The following ITSN1 variants were observed in gnomAD, a reference collection of about 807,000 sequenced individuals.
ITSN1 encodes intersectin 1, also known as intersectin-1.
Under a neutral mutation model 239.8 loss-of-function variants are expected in ITSN1, and 58 were observed. The observed-to-expected ratio is 0.24, with a 90% CI of 0.20 to 0.30. The LOEUF is 0.30. ITSN1 is among the 10% of genes least tolerant of loss of function. The pLI, the probability that ITSN1 is intolerant of heterozygous loss-of-function variation, is 1.00. For synonymous variants in ITSN1, 780 were observed against 770.8 expected (o/e 1.01, Z -0.20); for missense variants, 1,558 against 2,103.3 (o/e 0.74, Z 5.07).
chr21:33,735,196 C>T lies in ITSN1; in HGVS notation c.338C>T (p.Pro113Leu). The change falls in exon 5 of 40, where the codon CCA (proline) becomes CTA (leucine). Residue 113 changes from proline to leucine, a missense_variant. Pro to Leu is a moderately conservative substitution (Grantham distance 98). This residue lies in a region of ITSN1 where 982 missense variants were observed against 1,209.9 expected (regional missense o/e 0.81). Transcript: ENST00000381318. ...KQQPVAISSA[P>L]AFGMGGIASM... ...CAACCAGTTGCTATTTCTAGCGCAC[C>T]AGCATTTGGTAAGTCTGAAAATGAA... 1.2e-6 allele frequency: 2 copies of T among 1,612,706 alleles called. No individual in the cohort carries two copies. The highest frequency in any genetic ancestry group is 2.2e-5 in the South Asian group (2 of 90,582).
chr21:33,733,127 A>C (rs914536597), intron 4 of ITSN1, among the ~76,000 whole-genome samples: 1 of 152,148 alleles, frequency 6.6e-6, no homozygotes, highest in Non-Finnish European at 1.5e-5. Flanking sequence ...GGGAAAAAAA[A>C]CCTTCCCAGA....
chr21:33,687,158 C>T (rs766674565), intron 1 of ITSN1, among the ~76,000 whole-genome samples: 1 of 151,842 alleles, frequency 6.6e-6, no homozygotes, highest in African/African-American at 2.4e-5. Context: ...ATGGTGAAAC[C>T]CTGTCTTTAC....
intron 2 of ITSN1, among the ~76,000 whole-genome samples, chr21:33,719,302 G>T (rs1345494228): frequency 6.6e-6 from 1 of 152,138 alleles, no homozygotes; most frequent in Non-Finnish European, 1.5e-5. Context: ...TTAGCCGGGC[G>T]TGGTGGCAGG....
chr21:33,772,460 A>G, intron 12 of ITSN1, 137 bp downstream of exon 12: 1 of 1,057,216 alleles, frequency 9.5e-7, no homozygotes, highest in African/African-American at 1.6e-5. Context: ...TTGTGCAACC[A>G]TCGTCCCTAA....
At position 33,891,380 on chromosome 21, in the gene ITSN1, A is replaced by G. The variant is rs1458544058; in HGVS notation, c.*3080A>G. On this transcript the variant is annotated 3_prime_UTR_variant, in exon 40 of 40. Coordinates refer to ENST00000381318, the MANE Select transcript of ITSN1 (RefSeq NM_003024.3). Reference sequence around the variant, plus strand: ...CATTTTTTTCTTCTTTGCTTTTTTTAAACAACCTAAAGTATGACCTAAGTG... The same window carrying G: ...CATTTTTTTCTTCTTTGCTTTTTTTGAACAACCTAAAGTATGACCTAAGTG... 2.6e-5 allele frequency: 4 copies of G among 152,150 alleles called. No individual in the cohort carries two copies. The highest frequency in any genetic ancestry group is 9.7e-5 in the African/African-American group (4 of 41,418). 9.4% of individuals were successfully genotyped at this position (152,150 alleles called of 1,614,324 possible).
chr21:33,707,302 T>G (rs1568988180), intron 1 of ITSN1, among the ~76,000 whole-genome samples: 1 of 152,178 alleles, frequency 6.6e-6, no homozygotes, highest in African/African-American at 2.4e-5. Context: ...TTTTTATTTT[T>G]TGTGTGTGTT....
At chr21:33,705,306 A>C in intron 1 of ITSN1, among the ~76,000 whole-genome samples, 1 of 152,300 alleles carries the variant, frequency 6.6e-6, no homozygotes, top group East Asian at 1.9e-4. Context: ...AATAGAAATG[A>C]TAATCTGATT....
intron 17 of ITSN1, among the ~76,000 whole-genome samples, chr21:33,795,950 CT>C (rs5843623): frequency 7.1e-5 from 10 of 139,866 alleles, no homozygotes; most frequent in African/African-American, 1.3e-4. Flanking sequence ...TAAAGTAATT[CT>C]TTTTTTTTTT....
rs1303942969 is a variant in ITSN1, at chr21:33,894,174, A to G, written c.*5874A>G. On this transcript the variant is annotated 3_prime_UTR_variant, in exon 40 of 40. Coordinates refer to ENST00000381318, the MANE Select transcript of ITSN1 (RefSeq NM_003024.3). Reference sequence around the variant, plus strand: ...TTTTTGCCATTGCTTTTGATGGCAAACTAACTTTAAGTCATTAAAATAAGA... The same window carrying G: ...TTTTTGCCATTGCTTTTGATGGCAAGCTAACTTTAAGTCATTAAAATAAGA... The G allele has an allele frequency of 6.6e-6, 1 of 152,210 alleles. No homozygotes were observed. The highest frequency in any genetic ancestry group is 1.5e-5 in the Non-Finnish European group (1 of 68,048). The allele number at this position is 152,210 out of a possible 1,614,324, so 9.4% of individuals were successfully genotyped here. A position where few individuals can be genotyped will look rare whatever the true frequency, so the allele number is the denominator to read the frequency against.
intron 29 of ITSN1, chr21:33,838,493 A>G (rs2074709688): frequency 1.0e-6 from 1 of 975,250 alleles, no homozygotes; most frequent in African/African-American, 1.8e-5. Flanking sequence ...CTTCATACAA[A>G]AGTTAGATGG....
At chr21:33,694,524 T>C (rs2146711724) in intron 1 of ITSN1, among the ~76,000 whole-genome samples, 1 of 152,256 alleles carries the variant, frequency 6.6e-6, no homozygotes, top group South Asian at 2.1e-4. Context: ...CTTTATTTTT[T>C]AAGAGAAAGG....
chr21:33,776,154 G>A (rs2069589600), intron 14 of ITSN1, among the ~76,000 whole-genome samples: 1 of 152,146 alleles, frequency 6.6e-6, no homozygotes. Context: ...TAAAACTGCA[G>A]TGAGCATTTA....
At chr21:33,658,383 G>A (rs1474072610) in intron 1 of ITSN1, among the ~76,000 whole-genome samples, 3 of 152,122 alleles carry the variant, frequency 2.0e-5, no homozygotes, top group Non-Finnish European at 4.4e-5. Flanking sequence ...AACCGAGGTG[G>A]TATAGCCTAC....
At chr21:33,667,236 A>G (rs112584439) in intron 1 of ITSN1, among the ~76,000 whole-genome samples, 13 of 150,934 alleles carry the variant, frequency 8.6e-5, no homozygotes, top group African/African-American at 2.7e-4. Context: ...CTAATGGTCT[A>G]TGTACTTGTA....
intron 31 of ITSN1, among the ~76,000 whole-genome samples, chr21:33,862,960 A>G (rs1157343478): frequency 6.6e-6 from 1 of 152,174 alleles, no homozygotes; most frequent in African/African-American, 2.4e-5. Context: ...TCTTTGAAAC[A>G]TTTGTTAGCC....
chr21:33,745,423 A>G (rs893862001), intron 5 of ITSN1, among the ~76,000 whole-genome samples: 1 of 152,192 alleles, frequency 6.6e-6, no homozygotes, highest in African/African-American at 2.4e-5. Flanking sequence ...GAGATGAGCA[A>G]ATTCTTCCCT....
chr21:33,868,207 T>C (rs1348694249), intron 33 of ITSN1, among the ~76,000 whole-genome samples: 4 of 152,098 alleles, frequency 2.6e-5, no homozygotes, highest in East Asian at 3.9e-4. Context: ...GAGCTAGACA[T>C]AAAGATTCTC....
intron 33 of ITSN1, 85 bp from the exon 34 acceptor site, chr21:33,875,269 G>T (rs543245335): frequency 1.7e-5 from 26 of 1,487,614 alleles, no homozygotes; most frequent in Non-Finnish European, 2.3e-5. Flanking sequence ...GCCCTGCCCC[G>T]CTGGGCCTGG....
At chr21:33,842,471 A>G (rs2074855750) in intron 29 of ITSN1, among the ~76,000 whole-genome samples, 1 of 151,594 alleles carries the variant, frequency 6.6e-6, no homozygotes, top group Non-Finnish European at 1.5e-5. Flanking sequence ...ACCAGCTACC[A>G]TGCTGTTGTT....
Sources: allele counts gnomAD v4.1 joint callset (sites outside exome capture counted in the v4.1 genomes callset), GRCh38; gene constraint gnomAD v4.1.1; regional missense constraint gnomAD v4.1.1; transcripts MANE v1.5; gene names NCBI Gene and HGNC (gene_info 2026-07-23, HGNC 2026-07-21).